GOT1: variants seen among roughly 807,000 people sequenced by gnomAD.
GOT1 encodes glutamic-oxaloacetic transaminase 1.
GOT1 carries 25 observed loss-of-function variants against 48.2 expected under a neutral mutation model. That is an observed-to-expected ratio of 0.52 (90% confidence interval 0.38 to 0.72). GOT1 has a LOEUF of 0.72. GOT1 is among the 30% of genes least tolerant of loss of function. GOT1 has a pLI of 0.00. For synonymous variants in GOT1, 188 were observed against 193.8 expected (o/e 0.97, Z 0.25); for missense variants, 380 against 520.1 (o/e 0.73, Z 2.62).
chr10:99,414,912 T>C (rs1309309874), intron 2 of GOT1, among the ~76,000 whole-genome samples: 2 of 149,888 alleles, frequency 1.3e-5, no homozygotes, highest in East Asian at 4.0e-4. Flanking sequence ...AGACACAACA[T>C]ACCAGAATCT....
chr10:99,403,432 C>T (rs776900584), intron 7 of GOT1, 37 bp downstream of exon 7: 7 of 1,561,974 alleles, frequency 4.5e-6, no homozygotes, highest in South Asian at 3.4e-5. Context: ...GTTCTGCACT[C>T]CCCACCCCCC....
At chr10:99,402,154 C>T (rs575543601) in intron 8 of GOT1, among the ~76,000 whole-genome samples, 1 of 152,274 alleles carries the variant, frequency 6.6e-6, no homozygotes, top group East Asian at 1.9e-4. Flanking sequence ...TTTGTAATCT[C>T]TTTTTGAGGA....
rs2033104385 is a variant in GOT1 at position 99,430,461 on chromosome 10, G to T, written c.105C>A (p.Asn35Lys). 6.2e-7 allele frequency: 1 copy of T among 1,609,674 alleles called. No individual in the cohort carries two copies. Among genetic ancestry groups the T allele is most frequent in the South Asian group, 1.1e-5 (1 of 90,548 alleles). ...FREDPDPRKVNLGVGAYRTDD... is the reference protein window; with the variant it reads ...FREDPDPRKVKLGVGAYRTDD... ...CTACATCCTTACCTCCCACTCCCAGGTTGACCTTGCGGGGGTCCGGATCCT... is the reference window on the plus strand; with the variant it reads ...CTACATCCTTACCTCCCACTCCCAGTTTGACCTTGCGGGGGTCCGGATCCT... Residue 35 changes from asparagine to lysine, a missense_variant, in exon 1 of 9, where the codon AAC becomes AAA. Physicochemically the swap from Asn to Lys is moderately conservative, Grantham distance 94. Coordinates refer to ENST00000370508, the MANE Select transcript of GOT1 (RefSeq NM_002079.3).
chr10:99,406,051 C>T lies in GOT1; in HGVS notation c.537+86G>A, dbSNP rs564136443. ...TCAGGTATGGGGAAGGTGTCTCAGA[C>T]TCCTTCACTTAGCAACTGGTCCAAA... On this transcript the variant is annotated intron_variant, in intron 4 of 8. Coordinates refer to ENST00000370508, the MANE Select transcript of GOT1 (RefSeq NM_002079.3). The T allele has an allele frequency of 1.1e-5, 10 of 924,404 alleles. No individual in the cohort carries two copies. The African/African-American group carries it at 1.3e-4, about 12-fold the overall frequency. 57.3% of individuals were successfully genotyped at this position (924,404 alleles called of 1,614,324 possible). A position where few individuals can be genotyped will look rare whatever the true frequency, so the allele number is the denominator to read the frequency against.
Position 99,402,495 on chromosome 10 carries a change from G to A in GOT1, c.1102+85C>T. The A allele has an allele frequency of 3.4e-6, 5 of 1,451,334 alleles. No homozygotes were observed. In the South Asian group the frequency reaches 4.8e-5, roughly 14 times the overall value. 89.9% of individuals were successfully genotyped at this position (1,451,334 alleles called of 1,614,324 possible). On this transcript the variant is annotated intron_variant, in intron 8 of 8. Transcript: ENST00000370508. ...GCCCAATTAGGCAAAGGCTGTGAAA[G>A]TGAGCTCAGCTCAAGGCGAGCGACT...
intron 8 of GOT1, among the ~76,000 whole-genome samples, chr10:99,402,111 T>A (rs2032688490): frequency 1.3e-5 from 2 of 152,194 alleles, no homozygotes; most frequent in South Asian, 4.1e-4. Context: ...CCCAGCCCAA[T>A]CTAGGTTCTT....
chr10:99,423,156 G>A (rs1204486575), intron 1 of GOT1, among the ~76,000 whole-genome samples: 1 of 152,160 alleles, frequency 6.6e-6, no homozygotes. Flanking sequence ...TACGCACTGA[G>A]TGTATTTTTG....
At chr10:99,399,748 G>A (rs2032646960) in intron 8 of GOT1, among the ~76,000 whole-genome samples, 1 of 152,098 alleles carries the variant, frequency 6.6e-6, no homozygotes, top group African/African-American at 2.4e-5. Flanking sequence ...ACTCCAGCCT[G>A]GGCAACAGAG....
chr10:99,398,993 G>A (rs2032635253), intron 8 of GOT1, among the ~76,000 whole-genome samples: 1 of 152,188 alleles, frequency 6.6e-6, no homozygotes, highest in South Asian at 2.1e-4. Context: ...CTAAGGAAGT[G>A]AAAAATCTGG....
At chr10:99,420,996 A>T (rs547421177) in intron 1 of GOT1, among the ~76,000 whole-genome samples, 191 bp from the exon 2 acceptor site, 1 of 152,234 alleles carries the variant, frequency 6.6e-6, no homozygotes. Context: ...CTGGGCAAAC[A>T]TAAGGGCAGA....
intron 2 of GOT1, among the ~76,000 whole-genome samples, chr10:99,417,177 T>C (rs569304238): frequency 1.3e-5 from 2 of 152,140 alleles, no homozygotes; most frequent in African/African-American, 2.4e-5. Context: ...TGCAATCTAC[T>C]CATCTGACAA....
Position 99,403,534 on chromosome 10 carries a change from A to G in GOT1, c.894T>C (p.Asn298=). The change falls in exon 7 of 9, where the codon AAT becomes AAC. Residue 298 remains asparagine, a synonymous_variant. Coordinates refer to ENST00000370508, the MANE Select transcript of GOT1 (RefSeq NM_002079.3). ...MEKIVRITWS[N]PPAQGARIVA... ...CAATTCGTGCTCCCTGGGCGGGGGG[A>G]TTGGACCAAGTAATCCGCACGATCT... The G allele has an allele frequency of 6.2e-7, 1 of 1,613,924 alleles. No individual in the cohort carries two copies. The highest frequency in any genetic ancestry group is 8.5e-7 in the Non-Finnish European group (1 of 1,179,956).
intron 2 of GOT1, among the ~76,000 whole-genome samples, chr10:99,414,149 T>C (rs2032863568): frequency 6.6e-6 from 1 of 152,026 alleles, no homozygotes; most frequent in Non-Finnish European, 1.5e-5. Context: ...GACTGGCAAA[T>C]TGGATAAAGA....
chr10:99,405,520 GACACACACACACACACACAC>G (rs138777645), intron 5 of GOT1, among the ~76,000 whole-genome samples: 2 of 143,500 alleles, frequency 1.4e-5, no homozygotes, highest in African/African-American at 5.1e-5. Context: ...CATAAAACTA[GACACACACACACACACACAC>G]ACACACACAC....
At chr10:99,401,562 G>A (rs1392341050) in intron 8 of GOT1, among the ~76,000 whole-genome samples, 1 of 151,908 alleles carries the variant, frequency 6.6e-6, no homozygotes, top group East Asian at 2.0e-4. Flanking sequence ...AGCTACTCGG[G>A]AGGCTGAGGC....
At chr10:99,398,122 A>G (rs1010058449) in intron 8 of GOT1, among the ~76,000 whole-genome samples, 1 of 152,204 alleles carries the variant, frequency 6.6e-6, no homozygotes, top group Non-Finnish European at 1.5e-5. Flanking sequence ...TTTTTACAAT[A>G]CATTGGGTAA....
At position 99,406,152 on chromosome 10, in the gene GOT1, G is replaced by A. The variant is rs2032752160; in HGVS notation, c.522C>T (p.Phe174=). 6.2e-7 allele frequency: 1 copy of A among 1,601,378 alleles called. No homozygotes were observed. Among genetic ancestry groups the A allele is most frequent in the Non-Finnish European group, 8.6e-7 (1 of 1,168,364 alleles). Residue 174 remains phenylalanine (F), a synonymous_variant, in exon 4 of 9, where the codon TTC becomes TTT. Coordinates refer to ENST00000370508, the MANE Select transcript of GOT1 (RefSeq NM_002079.3). ...AATCACCCACCTCCAGATCATTCAG[G>A]AAGCCCTGGAGGTCCAATCCTCTCT... ...AEKRGLDLQG[F]LNDLENAPEF...
chr10:99,422,441 A>G (rs1474776896), intron 1 of GOT1, among the ~76,000 whole-genome samples: 2 of 152,356 alleles, frequency 1.3e-5, no homozygotes, highest in East Asian at 3.9e-4. Flanking sequence ...ATTTTGGTGT[A>G]CAACCTTCTA....
At chr10:99,406,657 C>T in intron 3 of GOT1, 69 bp downstream of exon 3, 1 of 1,488,158 alleles carries the variant, frequency 6.7e-7, no homozygotes, top group Non-Finnish European at 9.3e-7. Context: ...TTCTGTGTAA[C>T]CAGGGAGAGT....
Sources: allele counts gnomAD v4.1 joint callset (sites outside exome capture counted in the v4.1 genomes callset), GRCh38; gene constraint gnomAD v4.1.1; transcripts MANE v1.5; gene names NCBI Gene and HGNC (gene_info 2026-07-23, HGNC 2026-07-21).